The following SLC35F4 variants were observed in gnomAD, a reference collection of about 807,000 sequenced individuals.
The protein encoded by SLC35F4 is chromosome 14 open reading frame 36.
A neutral mutation model predicts 44.2 loss-of-function variants in SLC35F4; 24 were observed. The observed-to-expected ratio is 0.54, with a 90% confidence interval of 0.39 to 0.76. The LOEUF (loss-of-function observed/expected upper bound fraction) is 0.76. Among genes scored for constraint, SLC35F4 ranks in the 30% least tolerant of loss-of-function variants. The probability of loss-of-function intolerance (pLI) is 0.00; values close to 1 mark genes in which losing one functional copy is unlikely to be tolerated. For synonymous variants in SLC35F4, 238 were observed against 223.6 expected (o/e 1.06, Z -0.57); for missense variants, 562 against 586.1 (o/e 0.96, Z 0.42).
chr14:57,970,634 C>A (rs545385804), intron 1 of SLC35F4, among the ~76,000 whole-genome samples: 1 of 152,158 alleles, frequency 6.6e-6, no homozygotes, highest in South Asian at 2.1e-4. Flanking sequence ...TTTATCCCCC[C>A]GTAGGTAAAA....
At chr14:57,769,460 GT>G (rs747531209) in intron 1 of SLC35F4, among the ~76,000 whole-genome samples, 1 of 152,152 alleles carries the variant, frequency 6.6e-6, no homozygotes, top group Non-Finnish European at 1.5e-5. Flanking sequence ...ATCTGTGCAG[GT>G]GCAATCAGCC....
chr14:57,701,381 C>A (rs1479465239), intron 1 of SLC35F4, among the ~76,000 whole-genome samples: 1 of 151,732 alleles, frequency 6.6e-6, no homozygotes, highest in East Asian at 1.9e-4. Flanking sequence ...AAATTGTTTT[C>A]AAAAAATGAG....
chr14:57,780,740 A>G (rs2077598121), intron 1 of SLC35F4, among the ~76,000 whole-genome samples: 1 of 152,144 alleles, frequency 6.6e-6, no homozygotes, highest in South Asian at 2.1e-4. Context: ...AAACAGACAC[A>G]TATAAAACAT....
At chr14:57,730,048 C>T (rs1440205914) in intron 1 of SLC35F4, among the ~76,000 whole-genome samples, 2 of 152,206 alleles carry the variant, frequency 1.3e-5, no homozygotes, top group Admixed American at 6.5e-5. Context: ...CCATAGGGCA[C>T]AGATGGTCTC....
chr14:57,775,252 C>T (rs2077460790), intron 1 of SLC35F4, among the ~76,000 whole-genome samples: 1 of 152,228 alleles, frequency 6.6e-6, no homozygotes. Flanking sequence ...GAGGCCAGAA[C>T]CCCAGCACCC....
intron 1 of SLC35F4, among the ~76,000 whole-genome samples, chr14:57,844,067 C>T (rs540380595): frequency 4.6e-5 from 7 of 151,960 alleles, no homozygotes; most frequent in Non-Finnish European, 8.8e-5. Flanking sequence ...AGATAGAAAT[C>T]GTAGGAAAAA....
intron 1 of SLC35F4, among the ~76,000 whole-genome samples, chr14:57,807,562 G>A (rs1226566884): frequency 1.3e-5 from 2 of 151,868 alleles, no homozygotes; most frequent in Non-Finnish European, 2.9e-5. Context: ...GCTCTCAGAG[G>A]AAGAGTTTTC....
chr14:57,733,217 T>C (rs1280559607), intron 1 of SLC35F4, among the ~76,000 whole-genome samples: 1 of 152,128 alleles, frequency 6.6e-6, no homozygotes, highest in Non-Finnish European at 1.5e-5. Flanking sequence ...ATTTGGAAAG[T>C]ACGTACTTTG....
intron 1 of SLC35F4, among the ~76,000 whole-genome samples, chr14:57,722,873 T>C (rs1092037): frequency 0.94 from 143,145 of 152,216 alleles, 67,672 homozygotes; most frequent in Non-Finnish European, 1. Context: ...AGACTTGAGC[T>C]GGTTTACAGA....
chr14:57,855,392 A>C (rs1886986737), intron 1 of SLC35F4, among the ~76,000 whole-genome samples: 1 of 152,252 alleles, frequency 6.6e-6, no homozygotes, highest in Admixed American at 6.5e-5. Flanking sequence ...ATGAACAGAC[A>C]CTTCTCAAAA....
chr14:57,586,444 G>A (rs184087851), intron 3 of SLC35F4, among the ~76,000 whole-genome samples: 23 of 152,094 alleles, frequency 1.5e-4, no homozygotes, highest in East Asian at 7.8e-4. Flanking sequence ...TAGGCCAGGC[G>A]TGGTGGCTTA....
At chr14:57,615,191 A>G (rs150883184) in intron 1 of SLC35F4, among the ~76,000 whole-genome samples, 6 of 152,310 alleles carry the variant, frequency 3.9e-5, no homozygotes, top group African/African-American at 1.4e-4. Flanking sequence ...GTCTTTCCTA[A>G]GCATCGCCAT....
At chr14:57,935,373 G>A (rs1889777631) in intron 1 of SLC35F4, among the ~76,000 whole-genome samples, 1 of 152,146 alleles carries the variant, frequency 6.6e-6, no homozygotes, top group Admixed American at 6.5e-5. Flanking sequence ...AGCACAACTA[G>A]CTACCCATGG....
intron 1 of SLC35F4, among the ~76,000 whole-genome samples, chr14:57,669,862 A>G (rs185020501): frequency 6.6e-6 from 1 of 152,038 alleles, no homozygotes; most frequent in Non-Finnish European, 1.5e-5. Flanking sequence ...GTTAGGGAGG[A>G]TTCTCTCTTT....
intron 1 of SLC35F4, among the ~76,000 whole-genome samples, chr14:57,920,557 A>C (rs539689520): frequency 6.6e-6 from 1 of 152,330 alleles, no homozygotes; most frequent in South Asian, 2.1e-4. Flanking sequence ...TGGGCAACAG[A>C]GTGAGAGCCT....
intron 1 of SLC35F4, among the ~76,000 whole-genome samples, chr14:57,850,883 T>C (rs1215882664): frequency 6.6e-6 from 1 of 152,212 alleles, no homozygotes; most frequent in African/African-American, 2.4e-5. Context: ...TTTTGAGGCC[T>C]TGCCTCAAGG....
rs59757111 is a variant in SLC35F4 at position 57,944,068 on chromosome 14, T to C, written n.282+37845A>G. Among the ~76,000 whole-genome samples the C allele has an allele frequency of 0.023, 3,004 of 131,636 alleles. 298 individuals are homozygous for C. In the East Asian group the frequency reaches 0.36, roughly 16 times the overall value. 86.4% of individuals were successfully genotyped at this position (131,636 alleles called of 152,430 possible). On this transcript the variant is annotated intron_variant and non_coding_transcript_variant, in intron 1 of 1. Transcript: ENST00000556568. Reference sequence around the variant, plus strand: ...CCCCAAATGAACCCAGTCATTGTCCTCCACACGAGCTCCACACCAATTTCT... The same window carrying C: ...CCCCAAATGAACCCAGTCATTGTCCCCCACACGAGCTCCACACCAATTTCT...
chr14:57,649,109 G>A (rs1198860494), intron 1 of SLC35F4, among the ~76,000 whole-genome samples: 2 of 152,154 alleles, frequency 1.3e-5, no homozygotes, highest in African/African-American at 4.8e-5. Context: ...CAGCTCCTCT[G>A]TTGAAACTTC....
At chr14:57,928,804 T>C (rs1384941569) in intron 1 of SLC35F4, among the ~76,000 whole-genome samples, 1 of 152,142 alleles carries the variant, frequency 6.6e-6, no homozygotes, top group African/African-American at 2.4e-5. Context: ...TAATGCTTCA[T>C]CAATTAAGAA....
Sources: allele counts gnomAD v4.1 joint callset (sites outside exome capture counted in the v4.1 genomes callset), GRCh38; gene constraint gnomAD v4.1.1; transcripts MANE v1.5; gene names NCBI Gene and HGNC (gene_info 2026-07-23, HGNC 2026-07-21).